ZNF665: variants seen among roughly 807,000 people sequenced by gnomAD.
ZNF665 encodes the protein zinc finger protein 665.
A neutral mutation model predicts 7.9 loss-of-function variants in ZNF665; 6 were observed. That is an observed-to-expected ratio of 0.76 (90% confidence interval 0.42 to 1.50). The LOEUF (loss-of-function observed/expected upper bound fraction) is 1.50. Among genes scored for constraint, ZNF665 ranks in the 40% most tolerant of loss-of-function variants. The pLI is 0.01. For synonymous variants in ZNF665, 242 were observed against 274.5 expected, an observed-to-expected ratio of 0.88 and a Z score of 1.17; for missense variants, 819 against 806.7, an observed-to-expected ratio of 1.02 and a Z score of -0.18.
At position 53,176,780 on chromosome 19, in the gene ZNF665, C is replaced by T. The variant is rs149918819; in HGVS notation, c.16-1209G>A. Among the ~76,000 whole-genome samples, 628 of 152,342 alleles carry T rather than the reference C, an allele frequency of 4.1e-3. 6 individuals are homozygous for T. The highest frequency in any genetic ancestry group is 0.015 in the African/African-American group (609 of 41,578). On this transcript the variant is annotated intron_variant, in intron 2 of 3. Coordinates refer to ENST00000396424, the MANE Select transcript of ZNF665 (RefSeq NM_024733.5). ...GATTGATGTGATGGAAAACCCAACA[C>T]ATCTGGGAGAACGGAAGCATTCTGT...
intron 3 of ZNF665, 52 bp downstream of exon 3, chr19:53,175,393 T>C (rs1599877552): frequency 1.3e-6 from 2 of 1,580,010 alleles, no homozygotes; most frequent in East Asian, 2.3e-5. Flanking sequence ...CAAGGGAAAA[T>C]GAAAACATAC....
At chr19:53,189,051 C>CTCTGTGTGTG (rs1555805725) in intron 1 of ZNF665, among the ~76,000 whole-genome samples, 217 of 137,746 alleles carry the variant, frequency 1.6e-3, no homozygotes, top group Non-Finnish European at 2.4e-3. Context: ...GCTTTATTTT[C>CTCTGTGTGTG]TGTGTGTGTG....
At chr19:53,189,707 C>T (rs1447015979) in intron 1 of ZNF665, among the ~76,000 whole-genome samples, 2 of 149,240 alleles carry the variant, frequency 1.3e-5, no homozygotes, top group Non-Finnish European at 3.0e-5. Flanking sequence ...TAACTGCGGG[C>T]GAGCCTGACT....
chr19:53,180,694 T>A (rs1235425513), intron 2 of ZNF665: 5 of 152,200 alleles, frequency 3.3e-5, no homozygotes, highest in African/African-American at 9.7e-5. Context: ...TCAGAAAGTC[T>A]GGGACAACTG....
intron 2 of ZNF665, among the ~76,000 whole-genome samples, chr19:53,176,370 T>C (rs2090698212): frequency 6.6e-6 from 1 of 152,084 alleles, no homozygotes; most frequent in Admixed American, 6.6e-5. Context: ...GATGATAACA[T>C]GGAGGCTCCT....
intron 1 of ZNF665, chr19:53,190,428 G>T (rs1320784274): frequency 1.3e-5 from 2 of 152,324 alleles, no homozygotes; most frequent in East Asian, 3.9e-4. Flanking sequence ...ACAATGACCA[G>T]TTCTGCAGTG....
intron 1 of ZNF665, among the ~76,000 whole-genome samples, chr19:53,192,868 TGGGGGGCGACGGCGCCTTAGGAGA>T (rs1180504035): frequency 6.8e-6 from 1 of 147,284 alleles, no homozygotes; most frequent in Non-Finnish European, 1.5e-5. Flanking sequence ...AGGAGGGAGG[TGGGGGGCGACGGCGCCTTAGGAGA>T]GGGGTGGGGT....
intron 3 of ZNF665, among the ~76,000 whole-genome samples, chr19:53,167,530 T>G (rs1374480632): frequency 6.7e-6 from 1 of 149,890 alleles, no homozygotes. Context: ...CACTGCAAGC[T>G]CCGCCTCCCG....
intron 2 of ZNF665, chr19:53,182,435 A>T (rs796551412): frequency 1.3e-5 from 6 of 472,682 alleles, no homozygotes; most frequent in African/African-American, 9.8e-5. Flanking sequence ...TTCGGCATCA[A>T]ATGCAAATAT....
intron 2 of ZNF665, among the ~76,000 whole-genome samples, chr19:53,179,150 G>C (rs2090718622): frequency 6.6e-6 from 1 of 152,046 alleles, no homozygotes; most frequent in African/African-American, 2.4e-5. Context: ...GAGGCGGGTG[G>C]ATCACGAGGT....
At chr19:53,167,689 A>G (rs574201986) in intron 3 of ZNF665, among the ~76,000 whole-genome samples, 7 of 147,792 alleles carry the variant, frequency 4.7e-5, no homozygotes, top group East Asian at 2.1e-4. Context: ...CTCGTGATCC[A>G]CCCACCTCAG....
At chr19:53,166,394 A>G in intron 3 of ZNF665, 47 bp from the exon 4 acceptor site, 1 of 1,466,142 alleles carries the variant, frequency 6.8e-7, no homozygotes, top group South Asian at 1.5e-5. Flanking sequence ...TATAGTAGGT[A>G]AATAACTATT....
Position 53,188,918 on chromosome 19 carries a change from G to A in ZNF665, c.-46+4394C>T, listed in dbSNP as rs576924685. ...TCATCATGTTGGCCAGGCTGGTCTC[G>A]AACTCCTCACCTCAGGTGATCTGCT... is the stretch of plus-strand genomic sequence containing the variant. On this transcript the variant is annotated intron_variant, in intron 1 of 3. Coordinates refer to ENST00000396424, the MANE Select transcript of ZNF665 (RefSeq NM_024733.5). Among the ~76,000 whole-genome samples the A allele has an allele frequency of 2.6e-5, 4 of 152,058 alleles. No individual in the cohort carries two copies. The East Asian group carries it at 7.8e-4, about 29-fold the overall frequency.
intron 1 of ZNF665, among the ~76,000 whole-genome samples, chr19:53,185,731 G>T (rs2090773166): frequency 1.3e-5 from 2 of 151,850 alleles, no homozygotes; most frequent in African/African-American, 4.8e-5. Context: ...AGCGTGACGT[G>T]ATCAGCGAGG....
intron 3 of ZNF665, among the ~76,000 whole-genome samples, chr19:53,167,754 C>A (rs2146840823): frequency 1.3e-5 from 2 of 149,050 alleles, no homozygotes; most frequent in South Asian, 4.4e-4. Context: ...CCAACAATTT[C>A]TCTTGAGAAA....
rs759927437 is a variant in ZNF665, at chr19:53,164,762, G to C, written c.1728C>G (p.Gly576=). Residue 576 remains glycine (G), a synonymous_variant, in exon 4 of 4, where the codon GGC becomes GGG. Coordinates refer to ENST00000396424, the MANE Select transcript of ZNF665 (RefSeq NM_024733.5). ...GEKPYKCNEC[G]KAFSVHSNLA... is the part of the protein sequence containing the mutation. ...GGTTTGAATGTACACTAAATGCTTT[G>C]CCGCACTCATTACACTTATAAGGTT... The C allele has an allele frequency of 1.1e-5, 17 of 1,614,038 alleles. No homozygotes were observed. In the African/African-American group the frequency reaches 2.3e-4, roughly 22 times the overall value.
At chr19:53,176,111 A>C (rs2090696070) in intron 2 of ZNF665, among the ~76,000 whole-genome samples, 1 of 152,190 alleles carries the variant, frequency 6.6e-6, no homozygotes, top group African/African-American at 2.4e-5. Flanking sequence ...CAGTGAGCCG[A>C]GATCACAGCA....
chr19:53,171,423 T>C (rs1444659985), intron 3 of ZNF665, among the ~76,000 whole-genome samples: 3 of 150,390 alleles, frequency 2.0e-5, no homozygotes, highest in Non-Finnish European at 3.0e-5. Flanking sequence ...GGCTATGAAA[T>C]TGTATGGCAG....
At chr19:53,178,954 C>G (rs1010115275) in intron 2 of ZNF665, among the ~76,000 whole-genome samples, 2 of 152,224 alleles carry the variant, frequency 1.3e-5, no homozygotes, top group African/African-American at 4.8e-5. Context: ...CAACAAACCA[C>G]TTCCTTTATT....
Sources: allele counts gnomAD v4.1 joint callset (sites outside exome capture counted in the v4.1 genomes callset), GRCh38; gene constraint gnomAD v4.1.1; transcripts MANE v1.5; gene names NCBI Gene and HGNC (gene_info 2026-07-23, HGNC 2026-07-21).